STRIP2: variants seen among roughly 807,000 people sequenced by gnomAD.
STRIP2 encodes striatin interacting protein 2.
In STRIP2, 84 loss-of-function variants were observed where a neutral mutation model predicts 107.1. The observed-to-expected ratio is 0.78, with a 90% CI of 0.66 to 0.94. The LOEUF (loss-of-function observed/expected upper bound fraction) is 0.94. STRIP2 is among the 40% of genes least tolerant of loss of function. The pLI, the probability that STRIP2 is intolerant of heterozygous loss-of-function variation, is 0.00. For missense variants in STRIP2, 888 were observed against 1,034.2 expected (o/e 0.86, Z 1.94); for synonymous variants, 394 against 400.4 (o/e 0.98, Z 0.19).
chr7:129,482,662 G>C (rs531641907), intron 19 of STRIP2, among the ~76,000 whole-genome samples, 180 bp from the exon 20 acceptor site: 2 of 152,122 alleles, frequency 1.3e-5, no homozygotes, highest in East Asian at 3.9e-4. Flanking sequence ...ACAGACATGA[G>C]CCACCTTGCC....
chr7:129,460,242 A>G, intron 12 of STRIP2, 59 bp from the exon 13 acceptor site: 1 of 1,472,448 alleles, frequency 6.8e-7, no homozygotes, highest in Admixed American at 1.9e-5. Flanking sequence ...TAAGTAAGAG[A>G]CTGGTACACA....
At chr7:129,441,948 C>T (rs970824943) in intron 2 of STRIP2, among the ~76,000 whole-genome samples, 4 of 152,306 alleles carry the variant, frequency 2.6e-5, no homozygotes, top group African/African-American at 4.8e-5. Context: ...AATGCTTGGC[C>T]AGGTACGGTA....
At chr7:129,457,556 C>T (rs191653787) in intron 9 of STRIP2, among the ~76,000 whole-genome samples, 3 of 152,194 alleles carry the variant, frequency 2.0e-5, no homozygotes, top group Non-Finnish European at 4.4e-5. Context: ...AGTTTATCAA[C>T]AGGGCTAGAT....
At chr7:129,463,160 C>A (rs1584955699) in intron 14 of STRIP2, 120 bp downstream of exon 14, 5 of 762,008 alleles carry the variant, frequency 6.6e-6, no homozygotes, top group Non-Finnish European at 1.1e-5. Context: ...GCCCCTTTGG[C>A]AAGGCATTCT....
At chr7:129,472,776 C>CTTT (rs1798822125) in intron 18 of STRIP2, among the ~76,000 whole-genome samples, 36 of 78,222 alleles carry the variant, frequency 4.6e-4, no homozygotes, top group Admixed American at 1.2e-3. Flanking sequence ...TTTTCTTTTC[C>CTTT]TTTTTTTTTT....
In STRIP2 at chr7:129,444,023, G is replaced by A; in HGVS notation, c.200-1G>A. 6.2e-7 allele frequency: 1 copy of A among 1,612,610 alleles called. No individual in the cohort carries two copies. Among genetic ancestry groups the A allele is most frequent in the Non-Finnish European group, 8.5e-7 (1 of 1,178,800 alleles). ...TGACTGTTCTGTCTTTCCTGCCACA[G>A]AATTGTATAGTTACACTGAGAACCT... On this transcript the variant is annotated splice_acceptor_variant, in intron 2 of 20. Transcript: ENST00000249344. LOFTEE classifies it high-confidence loss of function.
chr7:129,447,794 A>G (rs1798077320), intron 3 of STRIP2, among the ~76,000 whole-genome samples: 1 of 152,244 alleles, frequency 6.6e-6, no homozygotes, highest in Non-Finnish European at 1.5e-5. Flanking sequence ...CATCTAGTAC[A>G]GCAGCTGCAA....
At position 129,486,818 on chromosome 7, in the gene STRIP2, C is replaced by G. The variant is rs563964080; in HGVS notation, c.*989C>G. 39 of 152,072 alleles carry G rather than the reference C, an allele frequency of 2.6e-4. No individual in the cohort carries two copies. The highest frequency in any genetic ancestry group is 7.7e-4 in the African/African-American group (32 of 41,498). The allele number at this position is 152,072 out of a possible 1,614,324, so 9.4% of individuals were successfully genotyped here. ...TTTTCCCGTTTATTGCTAGCAGTTT[C>G]AAAGTGTCATGTGGAGATTTAGCAA... On this transcript the variant is annotated 3_prime_UTR_variant, in exon 21 of 21. Transcript: ENST00000249344.
chr7:129,444,583 C>T (rs1484123744), intron 3 of STRIP2, among the ~76,000 whole-genome samples: 3 of 152,186 alleles, frequency 2.0e-5, no homozygotes, highest in Non-Finnish European at 4.4e-5. Flanking sequence ...CACAGATATA[C>T]CCAGGATCAA....
chr7:129,455,787 A>AT (rs541151352), intron 8 of STRIP2, among the ~76,000 whole-genome samples: 25 of 149,348 alleles, frequency 1.7e-4, no homozygotes, highest in South Asian at 4.3e-4. Flanking sequence ...GAGGTTTTGT[A>AT]TTTTTTTTTT....
chr7:129,470,628 C>A, intron 17 of STRIP2, 21 bp from the exon 18 acceptor site: 1 of 1,608,286 alleles, frequency 6.2e-7, no homozygotes, highest in South Asian at 1.1e-5. Context: ...TAAAGCCTGT[C>A]CTTATCTCTG....
intron 1 of STRIP2, among the ~76,000 whole-genome samples, chr7:129,439,190 G>A (rs1797831569): frequency 6.6e-6 from 1 of 152,104 alleles, no homozygotes; most frequent in Admixed American, 6.6e-5. Context: ...AGCTGACAGT[G>A]ACTCATTATG....
chr7:129,476,313 G>A lies in STRIP2; in HGVS notation c.1945-4472G>A, dbSNP rs865829473. ...TCACTTCCCAGATGCGGCGGCTGCC[G>A]GGCGGAGGGGCTCCTCACTTCTCAG... On this transcript the variant is annotated intron_variant, in intron 18 of 20. Coordinates refer to ENST00000249344, the MANE Select transcript of STRIP2 (RefSeq NM_020704.3). 5.3e-5 allele frequency among the ~76,000 whole-genome samples: 8 copies of A among 150,274 alleles called. 1 individual carries two copies. The highest frequency in any genetic ancestry group is 7.4e-5 in the Non-Finnish European group (5 of 67,166).
rs778485995 is a variant in STRIP2, at chr7:129,485,709, G to T, written c.2385G>T (p.Gln795His). The T allele has an allele frequency of 6.2e-7, 1 of 1,614,168 alleles. No individual in the cohort carries two copies. The highest frequency in any genetic ancestry group is 1.1e-5 in the South Asian group (1 of 91,082). The change falls in exon 21 of 21, where the codon CAG (glutamine) becomes CAT (histidine). Residue 795 changes from glutamine to histidine, a missense_variant. Transcript: ENST00000249344. ...TTTCACCTGTGGATAACTGCTTGCA[G>T]AGCGTACTGGGGCAGAGGTTGGATC... is the stretch of plus-strand genomic sequence containing the variant. ...SEFSPVDNCL[Q>H]SVLGQRLDLP...
intron 3 of STRIP2, among the ~76,000 whole-genome samples, chr7:129,444,378 C>T (rs1016399266): frequency 7.2e-5 from 11 of 152,142 alleles, no homozygotes; most frequent in South Asian, 6.2e-4. Flanking sequence ...ACTTGGAGTC[C>T]GATATTCGAG....
intron 1 of STRIP2, among the ~76,000 whole-genome samples, chr7:129,439,533 A>G (rs534769376): frequency 6.6e-6 from 1 of 152,322 alleles, no homozygotes; most frequent in South Asian, 2.1e-4. Context: ...GCATCATTTG[A>G]CAATCCTAAA....
At chr7:129,453,478 G>A (rs1375793169) in intron 5 of STRIP2, 131 bp downstream of exon 5, 1 of 1,156,008 alleles carries the variant, frequency 8.7e-7, no homozygotes, top group Non-Finnish European at 1.2e-6. Context: ...TCAGCCCAAA[G>A]CTCATTGACA....
intron 1 of STRIP2, among the ~76,000 whole-genome samples, chr7:129,435,416 G>A (rs1562890524): frequency 6.6e-6 from 1 of 152,134 alleles, no homozygotes; most frequent in Non-Finnish European, 1.5e-5. Context: ...TATCAGATGT[G>A]GCAGGGTCTG....
chr7:129,461,436 C>A lies in STRIP2; in HGVS notation c.1476+1064C>A, dbSNP rs1023134373. Among the ~76,000 whole-genome samples the A allele has an allele frequency of 6.6e-6, 1 of 152,080 alleles. No individual in the cohort carries two copies. The highest frequency in any genetic ancestry group is 6.6e-5 in the Admixed American group (1 of 15,262). On this transcript the variant is annotated intron_variant, in intron 13 of 20. Transcript: ENST00000249344. This position sits in a 1 kb window ranked among gnomAD's most constrained non-coding sequence, Gnocchi z 4.0. ...ACAAAGAAGAGAATGGAAGGCAGGACAAAGCCCTGGGGCACACCAGTATGT... is the reference window on the plus strand; with the variant it reads ...ACAAAGAAGAGAATGGAAGGCAGGAAAAAGCCCTGGGGCACACCAGTATGT...
Sources: gnomAD v4.1 joint callset for allele counts (sites outside exome capture counted in the v4.1 genomes callset) on GRCh38, gnomAD v4.1.1 for gene constraint, Gnocchi (gnomAD v3.1) non-coding constraint, MANE v1.5 for transcripts, NCBI Gene and HGNC (gene_info 2026-07-23, HGNC 2026-07-21) for gene names.